The following KCNIP1 variants were observed in gnomAD, a reference collection of about 807,000 sequenced individuals.
The protein encoded by KCNIP1 is A-type potassium channel modulatory protein KCNIP1.
In KCNIP1, 18 loss-of-function variants were observed where a neutral mutation model predicts 33.0. The observed-to-expected ratio is 0.55, with a 90% CI of 0.38 to 0.81. KCNIP1 has a LOEUF of 0.81. KCNIP1 is among the 30% of genes least tolerant of loss of function. The probability of loss-of-function intolerance (pLI) is 0.00; values close to 1 mark genes in which losing one functional copy is unlikely to be tolerated. For missense variants in KCNIP1, 238 were observed against 271.6 expected (o/e 0.88, Z 0.87); for synonymous variants, 93 against 98.3 (o/e 0.95, Z 0.32).
At chr5:170,504,012 G>T, upstream of KCNIP1, 2 of 825,756 alleles carry the variant, frequency 2.4e-6, no homozygotes, top group Non-Finnish European at 2.9e-6. This position sits in a 1 kb window ranked among gnomAD's most constrained non-coding sequence, Gnocchi z 6.0. Context: ...CGCCCCCTCC[G>T]CCGCTCCGAC....
At chr5:170,528,816 C>T (rs1442462030) in intron 1 of KCNIP1, among the ~76,000 whole-genome samples, 1 of 152,180 alleles carries the variant, frequency 6.6e-6, no homozygotes, top group East Asian at 1.9e-4. Context: ...AGGGGTTGTG[C>T]TGGCGCTGTC....
At chr5:170,632,164 A>C (rs2113673591) in intron 1 of KCNIP1, among the ~76,000 whole-genome samples, 1 of 152,248 alleles carries the variant, frequency 6.6e-6, no homozygotes, top group Non-Finnish European at 1.5e-5. Context: ...CATCTGAATC[A>C]AGGCTCTCGG....
intron 1 of KCNIP1, among the ~76,000 whole-genome samples, chr5:170,658,156 A>G (rs1318646007): frequency 2.0e-5 from 3 of 152,228 alleles, no homozygotes; most frequent in East Asian, 1.9e-4. Context: ...AGGGTGCTAC[A>G]TGGTGTCTCA....
At position 170,385,833 on chromosome 5, in the gene KCNIP1, T is replaced by C. The variant is rs559138452; in HGVS notation, c.88+31869T>C. On this transcript the variant is annotated intron_variant, in intron 1 of 7. Transcript: ENST00000377360. ...GCAGAAATGATTAAGATAAAGGCTC[T>C]TGAAGGCCAGGTGCGGTGGCTCATG... is the stretch of plus-strand genomic sequence containing the variant. Among the ~76,000 whole-genome samples the C allele has an allele frequency of 1.1e-4, 16 of 152,116 alleles. No homozygotes were observed. The South Asian group carries it at 3.1e-3, about 30-fold the overall frequency.
At chr5:170,701,970 C>T (rs1483827099) in intron 1 of KCNIP1, among the ~76,000 whole-genome samples, 1 of 152,182 alleles carries the variant, frequency 6.6e-6, no homozygotes, top group Non-Finnish European at 1.5e-5. Context: ...CCTTCCTTCG[C>T]TATCCTAAAA....
At chr5:170,521,598 G>T (rs79775251) in intron 1 of KCNIP1, among the ~76,000 whole-genome samples, 1,609 of 152,292 alleles carry the variant, frequency 0.011, 13 homozygotes, top group Middle Eastern at 0.041. Context: ...AGGACAAGGG[G>T]AATCAAAGTT....
chr5:170,531,919 G>T (rs1220056156), intron 1 of KCNIP1, among the ~76,000 whole-genome samples: 1 of 151,516 alleles, frequency 6.6e-6, no homozygotes, highest in Non-Finnish European at 1.5e-5. Context: ...CCATCTTCCC[G>T]ATCTAACTCA....
chr5:170,680,511 A>G (rs1581490885), intron 1 of KCNIP1: 1 of 152,346 alleles, frequency 6.6e-6, no homozygotes, highest in East Asian at 1.9e-4. Flanking sequence ...CCAGCTTACC[A>G]TAGCTTTCCT....
At chr5:170,486,042 CTTCTT>C in intron 1 of KCNIP1, 1 of 152,324 alleles carries the variant, frequency 6.6e-6, no homozygotes, top group Non-Finnish European at 1.5e-5. Context: ...CCTCCTCCTT[CTTCTT>C]CTTCTTCTTT....
At chr5:170,620,542 C>T (rs530689556) in intron 1 of KCNIP1, among the ~76,000 whole-genome samples, 2 of 152,292 alleles carry the variant, frequency 1.3e-5, no homozygotes, top group East Asian at 1.9e-4. Context: ...GGAGGGGCTA[C>T]GCATCACAGA....
At chr5:170,416,139 T>C (rs1755324051) in intron 1 of KCNIP1, among the ~76,000 whole-genome samples, 1 of 152,054 alleles carries the variant, frequency 6.6e-6, no homozygotes, top group African/African-American at 2.4e-5. Context: ...CTCACTCTCC[T>C]CTCTCCTTGT....
At chr5:170,728,358 G>A (rs1288570443) in intron 5 of KCNIP1, among the ~76,000 whole-genome samples, 3 of 152,134 alleles carry the variant, frequency 2.0e-5, no homozygotes, top group Non-Finnish European at 4.4e-5. Flanking sequence ...CAGTGAAACA[G>A]AAAAGGAAAT....
intron 1 of KCNIP1, among the ~76,000 whole-genome samples, chr5:170,433,892 C>T (rs1755799949): frequency 6.6e-6 from 1 of 152,206 alleles, no homozygotes; most frequent in Non-Finnish European, 1.5e-5. Flanking sequence ...GACCCTCTTC[C>T]AGGCCCACCT....
intron 1 of KCNIP1, among the ~76,000 whole-genome samples, chr5:170,649,490 G>A (rs1361727471): frequency 6.6e-6 from 1 of 152,098 alleles, no homozygotes; most frequent in Non-Finnish European, 1.5e-5. Context: ...ATCCAGCCAT[G>A]CTCTGCTCCC....
chr5:170,366,790 A>G (rs1581113495), intron 1 of KCNIP1, among the ~76,000 whole-genome samples: 2 of 152,170 alleles, frequency 1.3e-5, no homozygotes. Context: ...AGTGGTGGCC[A>G]CCCAGCAGAT....
At chr5:170,449,816 T>G (rs1469539268) in intron 1 of KCNIP1, among the ~76,000 whole-genome samples, 1 of 152,050 alleles carries the variant, frequency 6.6e-6, no homozygotes. Context: ...TTCCTTCTCC[T>G]GCTTTGATAA....
chr5:170,579,725 C>G (rs1395528759), intron 1 of KCNIP1, among the ~76,000 whole-genome samples: 1 of 152,160 alleles, frequency 6.6e-6, no homozygotes, highest in African/African-American at 2.4e-5. Flanking sequence ...CTAGGGGCTC[C>G]TTATCCCCAG....
intron 1 of KCNIP1, among the ~76,000 whole-genome samples, chr5:170,402,963 G>A (rs1754946040): frequency 6.6e-6 from 1 of 152,190 alleles, no homozygotes; most frequent in Non-Finnish European, 1.5e-5. Context: ...ATTTATTAAG[G>A]GGTGCTGAAT....
chr5:170,730,678 C>T (rs1487689530), intron 5 of KCNIP1, among the ~76,000 whole-genome samples: 2 of 152,178 alleles, frequency 1.3e-5, no homozygotes, highest in African/African-American at 2.4e-5. Context: ...AATGACATCC[C>T]TGTAGCAGTG....
Sources: allele counts gnomAD v4.1 joint callset (sites outside exome capture counted in the v4.1 genomes callset), GRCh38; gene constraint gnomAD v4.1.1; non-coding constraint Gnocchi (gnomAD v3.1); transcripts MANE v1.5; gene names NCBI Gene and HGNC (gene_info 2026-07-23, HGNC 2026-07-21).